The following SYNPO2 variants were observed in gnomAD, a reference collection of about 807,000 sequenced individuals.
SYNPO2 encodes synaptopodin-2.
A neutral mutation model predicts 85.0 loss-of-function variants in SYNPO2; 56 were observed. The observed-to-expected ratio is 0.66, with a 90% CI of 0.53 to 0.82. SYNPO2 has a LOEUF of 0.82. SYNPO2 is among the 40% of genes least tolerant of loss of function. The pLI, the probability that SYNPO2 is intolerant of heterozygous loss-of-function variation, is 0.00. For synonymous variants in SYNPO2, 602 were observed against 591.1 expected (o/e 1.02, Z -0.27); for missense variants, 1,575 against 1,534.2 (o/e 1.03, Z -0.44).
chr4:119,024,781 C>G (rs1159208840), intron 2 of SYNPO2, among the ~76,000 whole-genome samples: 1 of 152,200 alleles, frequency 6.6e-6, no homozygotes, highest in African/African-American at 2.4e-5. Flanking sequence ...ATCACCACCA[C>G]TACCACTATT....
chr4:118,892,247 T>C (rs1732401072), intron 1 of SYNPO2, among the ~76,000 whole-genome samples: 1 of 152,166 alleles, frequency 6.6e-6, no homozygotes. Flanking sequence ...GAAAATCTGT[T>C]TTGTTTTAAA....
In SYNPO2 at chr4:119,027,004, G is replaced by A. The variant is rs1284649556; in HGVS notation, c.635G>A (p.Ser212Asn). 1 of 1,614,082 alleles carries A rather than the reference G, an allele frequency of 6.2e-7. No individual in the cohort carries two copies. The highest frequency in any genetic ancestry group is 8.5e-7 in the Non-Finnish European group (1 of 1,180,044). ...TCACAGGAGAGACATAAGGGCGCTAGTGGCCCTTTAGTGGCTCTCCCGGGA... is the reference window on the plus strand; with the variant it reads ...TCACAGGAGAGACATAAGGGCGCTAATGGCCCTTTAGTGGCTCTCCCGGGA... ...SLSQERHKGA[S>N]GPLVALPGAE... The change falls in exon 3 of 5, where the codon AGT (serine) becomes AAT (asparagine). Residue 212 changes from serine to asparagine, a missense_variant. Physicochemically the swap from Ser to Asn is conservative, Grantham distance 46. Transcript: ENST00000307142.
intron 1 of SYNPO2, among the ~76,000 whole-genome samples, chr4:119,000,841 T>C (rs893338146): frequency 1.3e-5 from 2 of 152,230 alleles, no homozygotes; most frequent in African/African-American, 4.8e-5. Context: ...CTTCCTGCTG[T>C]TCTTTCTTTC....
chr4:119,027,023 C>A lies in SYNPO2; in HGVS notation c.654C>A (p.Leu218=), dbSNP rs1344736094. 6.2e-7 allele frequency: 1 copy of A among 1,614,136 alleles called. No individual in the cohort carries two copies. The highest frequency in any genetic ancestry group is 8.5e-7 in the Non-Finnish European group (1 of 1,180,026). The change falls in exon 3 of 5, where the codon CTC becomes CTA. Residue 218 remains leucine, a synonymous_variant. Coordinates refer to ENST00000307142, the MANE Select transcript of SYNPO2 (RefSeq NM_133477.3). The part of the protein sequence containing the change: ...HKGASGPLVA[L]PGAEKSKSPD... ...GCGCTAGTGGCCCTTTAGTGGCTCTCCCGGGAGCTGAAAAATCTAAGTCTC... is the reference window on the plus strand; with the variant it reads ...GCGCTAGTGGCCCTTTAGTGGCTCTACCGGGAGCTGAAAAATCTAAGTCTC...
chr4:118,900,725 A>G (rs1292922167), intron 1 of SYNPO2, among the ~76,000 whole-genome samples: 68 of 104,426 alleles, frequency 6.5e-4, no homozygotes, highest in African/African-American at 5.4e-4. Flanking sequence ...ATATATATAT[A>G]TATATATGTC....
rs111236985 is a variant in SYNPO2 at position 119,027,989 on chromosome 4, G to A, written c.1069+551G>A. 1.0e-3 allele frequency among the ~76,000 whole-genome samples: 154 copies of A among 152,292 alleles called. 1 individual carries two copies. Among genetic ancestry groups the A allele is most frequent in the African/African-American group, 3.5e-3 (144 of 41,564 alleles). On this transcript the variant is annotated intron_variant, in intron 3 of 4. Transcript: ENST00000307142. ...GCAGTTACATGATCCTCTCCGTTGT[G>A]TAAGTCTTCATTTGACTGCAAAGTG...
intron 4 of SYNPO2, among the ~76,000 whole-genome samples, chr4:119,051,427 G>A (rs2149200523): frequency 6.6e-6 from 1 of 151,632 alleles, no homozygotes; most frequent in South Asian, 2.1e-4. Context: ...TCCTGACCTC[G>A]TGATCCGCCC....
chr4:118,964,529 A>C (rs1375259377), intron 1 of SYNPO2, among the ~76,000 whole-genome samples: 1 of 151,706 alleles, frequency 6.6e-6, no homozygotes, highest in Non-Finnish European at 1.5e-5. Flanking sequence ...AAACTGAGAG[A>C]TATGGAAAAA....
chr4:119,026,869 C>A lies in SYNPO2; in HGVS notation c.500C>A (p.Ala167Asp). ...KEETGPSYQR[A>D]PQMPDSQRGR... is the part of the protein sequence containing the mutation. ...GAAACAGGCCCGAGCTACCAAAGGG[C>A]TCCCCAAATGCCTGACTCCCAAAGA... The change falls in exon 3 of 5, where the codon GCT (alanine) becomes GAT (aspartate). Residue 167 changes from alanine (A) to aspartate (D), a missense_variant. By Grantham distance (126) the Ala-to-Asp change is moderately radical. Around this residue, in one of 3 missense-constraint regions of SYNPO2, gnomAD observed 1,508 missense variants for 1,446.8 expected, o/e 1.04. Coordinates refer to ENST00000307142, the MANE Select transcript of SYNPO2 (RefSeq NM_133477.3). 2.5e-6 allele frequency: 4 copies of A among 1,614,116 alleles called. No individual in the cohort carries two copies. In the South Asian group the frequency reaches 4.4e-5, roughly 18 times the overall value.
chr4:118,851,399 A>G (rs1424541032), intron 1 of SYNPO2, among the ~76,000 whole-genome samples: 1 of 152,138 alleles, frequency 6.6e-6, no homozygotes, highest in Non-Finnish European at 1.5e-5. Flanking sequence ...AGGCAGGAGA[A>G]TCGCTTGAAC....
intron 1 of SYNPO2, among the ~76,000 whole-genome samples, chr4:118,883,380 AAG>A (rs1379295326): frequency 6.6e-6 from 1 of 152,198 alleles, no homozygotes; most frequent in African/African-American, 2.4e-5. Context: ...GAAAATAAAA[AAG>A]AGGCACAAGC....
intron 4 of SYNPO2, chr4:119,033,867 G>C: frequency 1.0e-6 from 1 of 985,154 alleles, no homozygotes; most frequent in Non-Finnish European, 1.2e-6. Context: ...TCCATACATT[G>C]TAAAACTGTA....
At chr4:119,008,216 C>G (rs1041013899) in intron 1 of SYNPO2, among the ~76,000 whole-genome samples, 1 of 152,120 alleles carries the variant, frequency 6.6e-6, no homozygotes, top group African/African-American at 2.4e-5. Flanking sequence ...ACTGTGGGTA[C>G]TGGTGATTAT....
intron 1 of SYNPO2, among the ~76,000 whole-genome samples, chr4:118,913,566 T>C (rs953717341): frequency 2.5e-5 from 1 of 40,234 alleles, no homozygotes; most frequent in African/African-American, 9.7e-5. Flanking sequence ...TTATTGTTTG[T>C]GTGTGTGTGT....
intron 1 of SYNPO2, among the ~76,000 whole-genome samples, chr4:118,980,888 C>T (rs944639743): frequency 6.6e-6 from 1 of 152,208 alleles, no homozygotes; most frequent in African/African-American, 2.4e-5. Flanking sequence ...ACATGAAACA[C>T]TTTGCCTATG....
intron 1 of SYNPO2, among the ~76,000 whole-genome samples, chr4:118,909,649 T>A (rs1182222164): frequency 6.6e-6 from 1 of 152,212 alleles, no homozygotes; most frequent in African/African-American, 2.4e-5. Context: ...CTGCCCACGC[T>A]TGGGAAGGCT....
chr4:118,950,773 A>G (rs918513419), intron 1 of SYNPO2, among the ~76,000 whole-genome samples: 2 of 152,238 alleles, frequency 1.3e-5, no homozygotes, highest in African/African-American at 4.8e-5. Context: ...ATGCCAGAGC[A>G]TAAGAATACA....
chr4:119,030,652 C>T lies in SYNPO2; in HGVS notation c.1877C>T (p.Thr626Ile). The T allele has an allele frequency of 2.5e-6, 4 of 1,614,148 alleles. No homozygotes were observed. Among genetic ancestry groups the T allele is most frequent in the Non-Finnish European group, 3.4e-6 (4 of 1,180,036 alleles). Residue 626 changes from threonine to isoleucine, a missense_variant, in exon 4 of 5, where the codon ACT becomes ATT. Thr to Ile is a moderately conservative substitution (Grantham distance 89, BLOSUM62 -1). This residue lies in a region of SYNPO2 where 1,508 missense variants were observed against 1,446.8 expected (regional missense o/e 1.04). Coordinates refer to ENST00000307142, the MANE Select transcript of SYNPO2 (RefSeq NM_133477.3). ...GCACCTCCACCTTACTCTGCAGTCACTCCTCCCCCTGACGCCTTCTCCAGA... is the reference window on the plus strand; with the variant it reads ...GCACCTCCACCTTACTCTGCAGTCATTCCTCCCCCTGACGCCTTCTCCAGA... ...FPAPPPYSAV[T>I]PPPDAFSRGV... is the part of the protein sequence containing the mutation.
At position 118,888,923 on chromosome 4, in the gene SYNPO2, A is replaced by C; in HGVS notation, c.-114A>C. The C allele has an allele frequency of 2.9e-6, 3 of 1,050,332 alleles. No individual in the cohort carries two copies. The highest frequency in any genetic ancestry group is 4.4e-6 in the Non-Finnish European group (3 of 687,562). 65.1% of individuals were successfully genotyped at this position (1,050,332 alleles called of 1,614,324 possible). A position where few individuals can be genotyped will look rare whatever the true frequency, so the allele number is the denominator to read the frequency against. Reference sequence around the variant, plus strand: ...GCTGCAGCAGCGGCGGACGCTCTGCATTACCCAGTCTTGCGTCCTCGGCAG... The same window carrying C: ...GCTGCAGCAGCGGCGGACGCTCTGCCTTACCCAGTCTTGCGTCCTCGGCAG... On this transcript the variant is annotated 5_prime_UTR_variant, in exon 1 of 5. Coordinates refer to ENST00000307142, the MANE Select transcript of SYNPO2 (RefSeq NM_133477.3).
Sources: allele counts gnomAD v4.1 joint callset (sites outside exome capture counted in the v4.1 genomes callset), GRCh38; gene constraint gnomAD v4.1.1; regional missense constraint gnomAD v4.1.1; transcripts MANE v1.5; gene names NCBI Gene and HGNC (gene_info 2026-07-23, HGNC 2026-07-21).